The following CUX2 variants were observed in gnomAD, a reference collection of about 807,000 sequenced individuals.
CUX2 encodes the protein homeobox protein cut-like 2.
A neutral mutation model predicts 144.8 loss-of-function variants in CUX2; 40 were observed. The observed-to-expected ratio is 0.28, with a 90% confidence interval of 0.21 to 0.36. The LOEUF (loss-of-function observed/expected upper bound fraction) is 0.36, where lower values mean the gene tolerates loss of function less well. Among genes scored for constraint, CUX2 ranks in the 10% least tolerant of loss-of-function variants. The pLI, the probability that CUX2 is intolerant of heterozygous loss-of-function variation, is 1.00. For missense variants in CUX2, 1,615 were observed against 1,994.0 expected (o/e 0.81, Z 3.62); for synonymous variants, 827 against 875.6 (o/e 0.94, Z 0.98).
intron 1 of CUX2, among the ~76,000 whole-genome samples, chr12:111,196,810 T>G (rs1040859052): frequency 3.9e-5 from 6 of 152,206 alleles, no homozygotes; most frequent in African/African-American, 1.4e-4. Flanking sequence ...TACAGGAGGC[T>G]AGTGGCTGCT....
At chr12:111,173,501 G>A (rs1878669566) in intron 1 of CUX2, among the ~76,000 whole-genome samples, 1 of 152,240 alleles carries the variant, frequency 6.6e-6, no homozygotes, top group African/African-American at 2.4e-5. Context: ...TGGGCGCACA[G>A]GGGTACCTGC....
At chr12:111,202,010 G>A (rs1486160285) in intron 1 of CUX2, among the ~76,000 whole-genome samples, 4 of 152,206 alleles carry the variant, frequency 2.6e-5, no homozygotes, top group East Asian at 1.9e-4. Context: ...GGGCCAAGGC[G>A]TTAAAAGTGC....
At chr12:111,149,612 G>A (rs1009058446) in intron 1 of CUX2, among the ~76,000 whole-genome samples, 10 of 152,150 alleles carry the variant, frequency 6.6e-5, no homozygotes, top group African/African-American at 2.4e-4. Flanking sequence ...GCTTTAACGG[G>A]GGCTTCCTGG....
intron 1 of CUX2, among the ~76,000 whole-genome samples, chr12:111,036,820 T>G (rs1869480422): frequency 6.6e-6 from 1 of 152,040 alleles, no homozygotes; most frequent in Admixed American, 6.5e-5. Flanking sequence ...TGCAAACATT[T>G]TGGCCCTCCA....
chr12:111,330,727 AT>A (rs1465551743), intron 18 of CUX2, among the ~76,000 whole-genome samples: 2 of 62,200 alleles, frequency 3.2e-5, no homozygotes, highest in Non-Finnish European at 3.2e-5. Context: ...ATATATATAT[AT>A]ATATATATAT....
At chr12:111,155,720 C>T (rs2136143082) in intron 1 of CUX2, among the ~76,000 whole-genome samples, 1 of 152,310 alleles carries the variant, frequency 6.6e-6, no homozygotes, top group South Asian at 2.1e-4. Context: ...CCACCACACG[C>T]TCTCAGGCAC....
intron 18 of CUX2, among the ~76,000 whole-genome samples, chr12:111,327,618 C>A (rs1479002770): frequency 6.6e-6 from 1 of 152,062 alleles, no homozygotes; most frequent in African/African-American, 2.4e-5. Flanking sequence ...AGGATTTGAC[C>A]ACAGGTAGGA....
At chr12:111,135,734 A>T (rs1875836590) in intron 1 of CUX2, among the ~76,000 whole-genome samples, 1 of 152,228 alleles carries the variant, frequency 6.6e-6, no homozygotes, top group Non-Finnish European at 1.5e-5. Context: ...GACGCAAAAG[A>T]CCATGTAGCG....
rs141718995 is a variant in CUX2, at chr12:111,058,549, C to CAG, written c.63+24327_63+24328dup. On this transcript the variant is annotated intron_variant, in intron 1 of 21. Transcript: ENST00000261726. ...CTGAAGAGACACAGAGAGAGAGAGA[C>CAG]AGAGAGAGAGAGAGAGAGACAGACA... Among the ~76,000 whole-genome samples the CAG allele has an allele frequency of 4.8e-3, 715 of 148,842 alleles. 5 individuals carry two copies. The highest frequency in any genetic ancestry group is 0.014 in the African/African-American group (566 of 40,768).
chr12:111,302,913 AAAAAAG>A (rs1196079063), intron 9 of CUX2, among the ~76,000 whole-genome samples: 1 of 148,524 alleles, frequency 6.7e-6, no homozygotes, highest in Non-Finnish European at 1.5e-5. Flanking sequence ...AAAAAAAAAA[AAAAAAG>A]AAAAGAAAAA....
At chr12:111,294,585 CAAAA>C (rs35222521) in intron 6 of CUX2, among the ~76,000 whole-genome samples, 22 of 100,044 alleles carry the variant, frequency 2.2e-4, no homozygotes, top group Admixed American at 6.5e-4. Context: ...CCTATCTTTT[CAAAA>C]AAAAAAAAAA....
intron 1 of CUX2, among the ~76,000 whole-genome samples, chr12:111,111,758 T>C (rs117367518): frequency 0.023 from 3,520 of 152,174 alleles, 46 homozygotes; most frequent in Middle Eastern, 0.075. Context: ...AACCCAACAG[T>C]ACAGTTGGCC....
intron 20 of CUX2, 135 bp from the exon 21 acceptor site, chr12:111,341,645 C>A: frequency 1.0e-6 from 1 of 982,152 alleles, no homozygotes; most frequent in Admixed American, 2.4e-5. Context: ...GGCTGGGGGG[C>A]GGGCCTCTAA....
intron 3 of CUX2, among the ~76,000 whole-genome samples, chr12:111,223,417 G>T (rs186642928): frequency 6.6e-6 from 1 of 152,106 alleles, no homozygotes; most frequent in Non-Finnish European, 1.5e-5. Flanking sequence ...CACATCTGCC[G>T]TGTGTCCCTG....
chr12:111,070,722 A>G (rs989711427), intron 1 of CUX2, among the ~76,000 whole-genome samples: 6 of 152,036 alleles, frequency 3.9e-5, no homozygotes, highest in Non-Finnish European at 5.9e-5. Flanking sequence ...CATACCTAGG[A>G]TTTTTGCTGC....
At chr12:111,259,575 G>A (rs73414601) in intron 3 of CUX2, among the ~76,000 whole-genome samples, 5,400 of 152,196 alleles carry the variant, frequency 0.035, 336 homozygotes, top group African/African-American at 0.12. Flanking sequence ...TAAAAAGTAA[G>A]AAGTGTAGCT....
At chr12:111,105,154 C>T (rs927275584) in intron 1 of CUX2, among the ~76,000 whole-genome samples, 9 of 152,140 alleles carry the variant, frequency 5.9e-5, no homozygotes, top group Admixed American at 3.3e-4. Flanking sequence ...GGGTGAGCCC[C>T]GTTCCCTGGG....
At chr12:111,136,414 C>T (rs1875891084) in intron 1 of CUX2, among the ~76,000 whole-genome samples, 1 of 152,002 alleles carries the variant, frequency 6.6e-6, no homozygotes, top group African/African-American at 2.4e-5. Context: ...GCTTTGGGGC[C>T]AGAGGGGGCT....
chr12:111,069,145 G>A (rs995520332), intron 1 of CUX2, among the ~76,000 whole-genome samples: 1 of 152,056 alleles, frequency 6.6e-6, no homozygotes, highest in African/African-American at 2.4e-5. Flanking sequence ...AGTCAGAATG[G>A]GTCTGGGTTC....
Sources: gnomAD v4.1 joint callset for allele counts (sites outside exome capture counted in the v4.1 genomes callset) on GRCh38, gnomAD v4.1.1 for gene constraint, MANE v1.5 for transcripts, NCBI Gene and HGNC (gene_info 2026-07-23, HGNC 2026-07-21) for gene names.